The following TAS2R1 variants were observed in gnomAD, a reference collection of about 807,000 sequenced individuals.
TAS2R1 encodes the protein taste 2 receptor member 1, also known as taste receptor type 2 member 1.
For missense variants in TAS2R1, 370 were observed against 353.4 expected (o/e 1.05, Z -0.38); for synonymous variants, 141 against 134.2 (o/e 1.05, Z -0.35).
chr5:9,897,123 A>T, the TAS2R1 span, among the ~76,000 whole-genome samples: 4 of 152,216 alleles, frequency 2.6e-5, no homozygotes, highest in African/African-American at 9.6e-5. Flanking sequence ...GGGATGTAAC[A>T]TGAGGTTTTC....
upstream of TAS2R1, among the ~76,000 whole-genome samples, chr5:9,714,655 G>T (rs1211067722): frequency 6.6e-6 from 1 of 152,214 alleles, no homozygotes; most frequent in Non-Finnish European, 1.5e-5. Flanking sequence ...AAAAACAAAA[G>T]AAAGTGTTTG....
the TAS2R1 span, among the ~76,000 whole-genome samples, chr5:9,741,150 C>T: frequency 1.3e-5 from 2 of 152,168 alleles, no homozygotes; most frequent in Admixed American, 6.5e-5. Flanking sequence ...CTAAATACCA[C>T]AAATCATTGC....
At chr5:9,669,104 G>T (rs1740701118) in intron 1 of TAS2R1, among the ~76,000 whole-genome samples, 1 of 152,108 alleles carries the variant, frequency 6.6e-6, no homozygotes, top group African/African-American at 2.4e-5. Flanking sequence ...GAAAAAGCAG[G>T]AGTTGCTATT....
chr5:9,886,743 AGT>A, the TAS2R1 span, among the ~76,000 whole-genome samples: 1 of 152,134 alleles, frequency 6.6e-6, no homozygotes, highest in Non-Finnish European at 1.5e-5. Context: ...GTGGGAGGAG[AGT>A]GAGGATCAAA....
rs1049161615 is a variant in TAS2R1, at chr5:9,627,495, A to G, written c.*1638T>C. ...AAATAGAATCAGAATTTAGTATCAG[A>G]AAAAAAAACACATGAGAGTTGTATC... is the stretch of plus-strand genomic sequence containing the variant. On this transcript the variant is annotated 3_prime_UTR_variant, in exon 1 of 1. Transcript: ENST00000382492. Among the ~76,000 whole-genome samples the G allele has an allele frequency of 1.2e-4, 18 of 151,552 alleles. No homozygotes were observed. The highest frequency in any genetic ancestry group is 3.6e-4 in the African/African-American group (15 of 41,334).
the TAS2R1 span, among the ~76,000 whole-genome samples, chr5:9,795,654 G>A: frequency 1.1e-3 from 170 of 152,174 alleles, no homozygotes; most frequent in Non-Finnish European, 1.9e-3. Flanking sequence ...AATTTCCTTC[G>A]GCACAGGCTC....
At chr5:9,820,462 TCAA>T in the TAS2R1 span, among the ~76,000 whole-genome samples, 1 of 152,204 alleles carries the variant, frequency 6.6e-6, no homozygotes, top group Non-Finnish European at 1.5e-5. Flanking sequence ...AATTATTAAG[TCAA>T]CTACAGTACA....
At chr5:9,672,996 C>T (rs1178745440) in intron 1 of TAS2R1, among the ~76,000 whole-genome samples, 1 of 152,152 alleles carries the variant, frequency 6.6e-6, no homozygotes, top group African/African-American at 2.4e-5. Flanking sequence ...TTTGCAGCAA[C>T]ATGGAGGAAG....
chr5:9,838,088 C>G, the TAS2R1 span, among the ~76,000 whole-genome samples: 1 of 152,170 alleles, frequency 6.6e-6, no homozygotes, highest in East Asian at 1.9e-4. Flanking sequence ...ACAACCCCCC[C>G]AGGGCAGGAG....
chr5:9,825,186 T>C, the TAS2R1 span, among the ~76,000 whole-genome samples: 2 of 152,248 alleles, frequency 1.3e-5, no homozygotes, highest in African/African-American at 4.8e-5. Context: ...CTGTATTATC[T>C]GTTCTCAGGC....
chr5:9,673,465 C>T (rs1740809410), intron 1 of TAS2R1, among the ~76,000 whole-genome samples: 1 of 151,974 alleles, frequency 6.6e-6, no homozygotes, highest in Admixed American at 6.6e-5. Context: ...ATTTTCTACA[C>T]TAATAAATGT....
At chr5:9,796,720 GGAAAAAAAAAAAAAAAAAAGAAAA>G in the TAS2R1 span, among the ~76,000 whole-genome samples, 1 of 77,334 alleles carries the variant, frequency 1.3e-5, no homozygotes, top group Non-Finnish European at 2.3e-5. Context: ...GCTATTTTCT[GGAAAAAAAAAAAAAAAAAAGAAAA>G]GAAAAAAAAA....
the TAS2R1 span, among the ~76,000 whole-genome samples, chr5:9,759,259 T>C: frequency 6.6e-6 from 1 of 152,222 alleles, no homozygotes; most frequent in African/African-American, 2.4e-5. Context: ...GCTGAAACCA[T>C]GGGCTCAGTC....
At chr5:9,753,494 G>C in the TAS2R1 span, among the ~76,000 whole-genome samples, 1 of 152,050 alleles carries the variant, frequency 6.6e-6, no homozygotes, top group Non-Finnish European at 1.5e-5. Context: ...CCATTCTGTA[G>C]GTTGCCTGTT....
rs190260932 is a variant in TAS2R1 at position 9,711,904 on chromosome 5, G to A, written c.-242+268C>T. 8.5e-4 allele frequency among the ~76,000 whole-genome samples: 129 copies of A among 151,462 alleles called. No individual in the cohort carries two copies. In the East Asian group the frequency reaches 0.02, roughly 23 times the overall value. On this transcript the variant is annotated intron_variant, in intron 1 of 2. Coordinates refer to the TAS2R1 transcript ENST00000506620. ...TGGTCTCGAACTCCTGACCTCAGGC[G>A]ATGCACCCACCTCGGCCTCCTGAAG...
At chr5:9,886,384 A>G in the TAS2R1 span, among the ~76,000 whole-genome samples, 3 of 128,420 alleles carry the variant, frequency 2.3e-5, no homozygotes, top group Non-Finnish European at 4.7e-5. Flanking sequence ...GCCCAGGCTG[A>G]AGTGTAGTGG....
At chr5:9,685,210 T>C (rs919870096) in intron 1 of TAS2R1, among the ~76,000 whole-genome samples, 1 of 152,194 alleles carries the variant, frequency 6.6e-6, no homozygotes, top group African/African-American at 2.4e-5. Context: ...TCATCCTTTA[T>C]TGATGAAAGT....
chr5:9,723,814 T>C, the TAS2R1 span, among the ~76,000 whole-genome samples: 1 of 152,220 alleles, frequency 6.6e-6, no homozygotes. Context: ...TCCCAGCTGC[T>C]CTTTGCTCTC....
chr5:9,802,998 C>A, the TAS2R1 span, among the ~76,000 whole-genome samples: 3 of 152,070 alleles, frequency 2.0e-5, no homozygotes, highest in Non-Finnish European at 2.9e-5. Flanking sequence ...AATCAAAAAC[C>A]TGATACAGGA....
Sources: allele counts gnomAD v4.1 joint callset (sites outside exome capture counted in the v4.1 genomes callset), GRCh38; gene constraint gnomAD v4.1.1; transcripts MANE v1.5; gene names NCBI Gene and HGNC (gene_info 2026-07-23, HGNC 2026-07-21).